ADAM23: variants seen among roughly 807,000 people sequenced by gnomAD.
The protein encoded by ADAM23 is ADAM metallopeptidase domain 23.
In ADAM23, 33 loss-of-function variants were observed where a neutral mutation model predicts 120.1. That is an observed-to-expected ratio of 0.27 (90% confidence interval 0.21 to 0.37). ADAM23 has a LOEUF of 0.37. ADAM23 is among the 10% of genes least tolerant of loss of function. The pLI is 1.00. For synonymous variants in ADAM23, 367 were observed against 375.2 expected, an observed-to-expected ratio of 0.98 and a Z score of 0.25; for missense variants, 862 against 1,058.2, an observed-to-expected ratio of 0.81 and a Z score of 2.57.
chr2:206,533,427 A>C (rs1697110122), intron 4 of ADAM23, among the ~76,000 whole-genome samples: 1 of 152,114 alleles, frequency 6.6e-6, no homozygotes, highest in Admixed American at 6.5e-5. Context: ...CTGGTCTCGA[A>C]CTGCTGACCT....
At chr2:206,550,568 T>G (rs1438635666) in intron 9 of ADAM23, among the ~76,000 whole-genome samples, 2 of 151,998 alleles carry the variant, frequency 1.3e-5, no homozygotes, top group Non-Finnish European at 2.9e-5. Context: ...TAAAGGTTTA[T>G]CTAAAGTGAA....
intron 18 of ADAM23, among the ~76,000 whole-genome samples, chr2:206,581,134 A>G (rs775057272): frequency 2.6e-5 from 4 of 152,036 alleles, no homozygotes; most frequent in Non-Finnish European, 5.9e-5. Flanking sequence ...CTAATGGTCT[A>G]TCAATTTTAT....
intron 3 of ADAM23, among the ~76,000 whole-genome samples, chr2:206,512,618 A>G (rs1283885884): frequency 6.6e-6 from 1 of 152,174 alleles, no homozygotes; most frequent in African/African-American, 2.4e-5. Context: ...AATGTAACGT[A>G]TTGTCTTTGA....
intron 10 of ADAM23, among the ~76,000 whole-genome samples, chr2:206,559,092 C>T (rs1375146167): frequency 6.6e-6 from 1 of 152,084 alleles, no homozygotes; most frequent in African/African-American, 2.4e-5. Flanking sequence ...CTACAGGCGC[C>T]CACCATCACA....
intron 2 of ADAM23, among the ~76,000 whole-genome samples, chr2:206,464,860 G>T (rs1318663933): frequency 6.6e-6 from 1 of 152,070 alleles, no homozygotes; most frequent in Non-Finnish European, 1.5e-5. Flanking sequence ...AATCAAAGAA[G>T]TATCTAGCCT....
At chr2:206,594,982 A>G (rs1698496446) in intron 23 of ADAM23, 77 bp downstream of exon 23, 1 of 1,557,358 alleles carries the variant, frequency 6.4e-7, no homozygotes, top group East Asian at 2.3e-5. Flanking sequence ...AATTTCAGCC[A>G]TTCTCCTAGC....
intron 18 of ADAM23, among the ~76,000 whole-genome samples, chr2:206,585,224 C>T (rs1241737064): frequency 6.6e-6 from 1 of 152,182 alleles, no homozygotes; most frequent in Non-Finnish European, 1.5e-5. Flanking sequence ...AGTCCTGCCT[C>T]CTGTCCGCCA....
chr2:206,591,518 T>G (rs1698425479), intron 21 of ADAM23, among the ~76,000 whole-genome samples: 1 of 152,242 alleles, frequency 6.6e-6, no homozygotes, highest in Admixed American at 6.5e-5. Context: ...CACAAATGAA[T>G]GAATATACTA....
intron 18 of ADAM23, among the ~76,000 whole-genome samples, chr2:206,576,650 A>G (rs750414217): frequency 1.3e-5 from 2 of 152,150 alleles, no homozygotes; most frequent in Non-Finnish European, 2.9e-5. Context: ...TGGAATCTCT[A>G]CAACTCTGAG....
chr2:206,488,530 C>G (rs1242988889), intron 3 of ADAM23, among the ~76,000 whole-genome samples: 2 of 152,174 alleles, frequency 1.3e-5, no homozygotes, highest in Admixed American at 1.3e-4. Context: ...CTGGGATTCT[C>G]ACTGAGAGCT....
chr2:206,498,443 C>G (rs923566673), intron 3 of ADAM23, among the ~76,000 whole-genome samples: 88 of 151,800 alleles, frequency 5.8e-4, no homozygotes, highest in Non-Finnish European at 8.7e-4. Context: ...AAACTGGCTA[C>G]CCATATGTAG....
chr2:206,531,394 T>G (rs1697059488), intron 4 of ADAM23, among the ~76,000 whole-genome samples: 1 of 152,152 alleles, frequency 6.6e-6, no homozygotes, highest in Non-Finnish European at 1.5e-5. Flanking sequence ...TCATAACAAT[T>G]CTATGAGGTG....
At chr2:206,584,816 A>G (rs1698289940) in intron 18 of ADAM23, among the ~76,000 whole-genome samples, 1 of 152,078 alleles carries the variant, frequency 6.6e-6, no homozygotes, top group Non-Finnish European at 1.5e-5. Flanking sequence ...CTCCCTGTGG[A>G]GTTTTACCCC....
chr2:206,481,353 G>C (rs771020323), intron 3 of ADAM23, 45 bp downstream of exon 3: 3 of 1,438,112 alleles, frequency 2.1e-6, no homozygotes, highest in Non-Finnish European at 2.8e-6. Context: ...GTGCAATAAA[G>C]CTTTGTTTTT....
chr2:206,582,111 C>T (rs1054659776), intron 18 of ADAM23, among the ~76,000 whole-genome samples: 7 of 152,192 alleles, frequency 4.6e-5, no homozygotes, highest in African/African-American at 1.7e-4. Context: ...TTCTTGACCC[C>T]AGGTGATCCG....
intron 2 of ADAM23, among the ~76,000 whole-genome samples, chr2:206,478,050 G>A (rs1428185504): frequency 2.0e-5 from 3 of 151,652 alleles, no homozygotes; most frequent in African/African-American, 7.3e-5. Flanking sequence ...GGACTGCATA[G>A]CATCCAGAAG....
At chr2:206,548,415 AC>A in intron 8 of ADAM23, 61 bp downstream of exon 8, 3 of 1,485,952 alleles carry the variant, frequency 2.0e-6, no homozygotes, top group South Asian at 2.3e-5. Context: ...TGTGCCTATC[AC>A]CCCACATTAT....
At chr2:206,508,174 C>T (rs941681469) in intron 3 of ADAM23, among the ~76,000 whole-genome samples, 2 of 152,088 alleles carry the variant, frequency 1.3e-5, no homozygotes, top group Non-Finnish European at 2.9e-5. Flanking sequence ...GGACTACAGG[C>T]ATCCACCACC....
intron 3 of ADAM23, among the ~76,000 whole-genome samples, chr2:206,517,803 A>G (rs896033206): frequency 3.3e-5 from 5 of 152,196 alleles, no homozygotes; most frequent in Admixed American, 1.3e-4. Context: ...CCTGGAACTG[A>G]TACTGATAGT....
Sources: gnomAD v4.1 joint callset for allele counts (sites outside exome capture counted in the v4.1 genomes callset) on GRCh38, gnomAD v4.1.1 for gene constraint, MANE v1.5 for transcripts, NCBI Gene and HGNC (gene_info 2026-07-23, HGNC 2026-07-21) for gene names.